The following GABRR3 variants were observed in gnomAD, a reference collection of about 807,000 sequenced individuals.
GABRR3 encodes gamma-aminobutyric acid type A receptor subunit rho3.
A neutral mutation model predicts 43.2 loss-of-function variants in GABRR3; 29 were observed. That is an observed-to-expected ratio of 0.67 (90% CI 0.50 to 0.92). The LOEUF is 0.92. Ranked by LOEUF, GABRR3 falls within the 40% of genes least tolerant of loss-of-function variation. The pLI, the probability that GABRR3 is intolerant of heterozygous loss-of-function variation, is 0.00. For synonymous variants in GABRR3, 206 were observed against 195.9 expected (o/e 1.05, Z -0.43); for missense variants, 576 against 572.3 (o/e 1.01, Z -0.07).
chr3:98,013,066 C>A (rs1387952810), intron 4 of GABRR3, among the ~76,000 whole-genome samples: 1 of 152,144 alleles, frequency 6.6e-6, no homozygotes, highest in Non-Finnish European at 1.5e-5. Context: ...TTTATTAGAG[C>A]TATTCGTGTA....
intron 2 of GABRR3, among the ~76,000 whole-genome samples, chr3:98,034,291 A>G (rs1048834940): frequency 7.9e-5 from 12 of 152,172 alleles, no homozygotes; most frequent in African/African-American, 2.9e-4. Context: ...TCTCACAGAT[A>G]GCTATCTCCC....
intron 4 of GABRR3, among the ~76,000 whole-genome samples, chr3:98,015,387 G>A (rs902552685): frequency 6.6e-6 from 1 of 152,104 alleles, no homozygotes; most frequent in African/African-American, 2.4e-5. Flanking sequence ...GTAGAAACAG[G>A]GTTTCCTCAT....
chr3:98,011,101 C>T (rs1706784589), intron 5 of GABRR3, among the ~76,000 whole-genome samples: 1 of 151,988 alleles, frequency 6.6e-6, no homozygotes. Flanking sequence ...CCCTGTTCCT[C>T]CCCCAACCCC....
At chr3:98,026,262 C>G (rs1361142385) in intron 2 of GABRR3, among the ~76,000 whole-genome samples, 1 of 152,146 alleles carries the variant, frequency 6.6e-6, no homozygotes, top group East Asian at 1.9e-4. Flanking sequence ...GGTTCTAGAG[C>G]CTGAGGGATG....
intron 2 of GABRR3, among the ~76,000 whole-genome samples, chr3:98,028,871 T>G (rs1466701014): frequency 6.6e-6 from 1 of 152,030 alleles, no homozygotes; most frequent in African/African-American, 2.4e-5. Context: ...GTAAATAAAA[T>G]GAAGGATGAA....
chr3:97,989,250 G>A (rs1390432238), intron 9 of GABRR3, among the ~76,000 whole-genome samples: 1 of 150,756 alleles, frequency 6.6e-6, no homozygotes, highest in Non-Finnish European at 1.5e-5. Context: ...AACAGTGGTT[G>A]ATGATGGTGT....
At chr3:97,986,905 C>A in exon 10 of GABRR3, 1 of 1,611,664 alleles carries the variant, frequency 6.2e-7, no homozygotes, top group Non-Finnish European at 8.5e-7. Context: ...AAGTCTGGTC[C>A]ATGTCAATCT....
chr3:97,991,268 A>G (rs1310591809), intron 9 of GABRR3, among the ~76,000 whole-genome samples: 2 of 152,214 alleles, frequency 1.3e-5, no homozygotes, highest in East Asian at 1.9e-4. Context: ...CACTTCACAG[A>G]CTATCCAAAT....
In GABRR3 at chr3:98,020,133, G is replaced by A. The variant is rs965926712; in HGVS notation, c.239-2411C>T. 8.7e-4 allele frequency among the ~76,000 whole-genome samples: 132 copies of A among 152,028 alleles called. 1 individual carries two copies. Among genetic ancestry groups the A allele is most frequent in the Non-Finnish European group, 2.1e-4 (14 of 68,004 alleles). On this transcript the variant is annotated intron_variant, in intron 3 of 9. Coordinates refer to ENST00000621172, the Ensembl canonical transcript of GABRR3. ...AAATTTGAAAAGGTCTTGGAGGAGC[G>A]GCAGAATGTCCCAAATGAAGTTCTA... is the stretch of plus-strand genomic sequence containing the variant.
intron 9 of GABRR3, among the ~76,000 whole-genome samples, chr3:97,990,116 C>T (rs561848524): frequency 6.6e-6 from 1 of 152,300 alleles, no homozygotes; most frequent in East Asian, 1.9e-4. Context: ...CTCCTATTCC[C>T]TCAGGGCAGG....
chr3:98,008,843 G>T, intron 6 of GABRR3, 113 bp downstream of exon 6: 2 of 414,222 alleles, frequency 4.8e-6, no homozygotes, highest in Non-Finnish European at 8.3e-6. Flanking sequence ...TTCAGTTTTG[G>T]ATAAATATAT....
At chr3:98,031,276 T>C (rs180958705) in intron 2 of GABRR3, among the ~76,000 whole-genome samples, 7 of 152,318 alleles carry the variant, frequency 4.6e-5, no homozygotes, top group Admixed American at 4.6e-4. Context: ...AGGCCTCAGT[T>C]TCCTCATCTG....
downstream of GABRR3, among the ~76,000 whole-genome samples, chr3:97,986,468 A>G (rs540014600): frequency 6.6e-6 from 1 of 152,240 alleles, no homozygotes; most frequent in Non-Finnish European, 1.5e-5. Context: ...TTTTTCCCAT[A>G]ATACACATGC....
chr3:97,985,530 A>G (rs1285872372), downstream of GABRR3, among the ~76,000 whole-genome samples: 1 of 152,206 alleles, frequency 6.6e-6, no homozygotes, highest in Non-Finnish European at 1.5e-5. Flanking sequence ...AACATTCGTC[A>G]CATGTTTTAT....
chr3:98,003,307 A>G (rs1339667604), intron 7 of GABRR3, among the ~76,000 whole-genome samples: 2 of 152,274 alleles, frequency 1.3e-5, no homozygotes, highest in East Asian at 3.9e-4. Flanking sequence ...AAAGAAATTC[A>G]AAAGAAAGAC....
chr3:98,020,748 C>T lies in GABRR3; in HGVS notation c.239-3026G>A, dbSNP rs77112019. Among the ~76,000 whole-genome samples the T allele has an allele frequency of 1.4e-4, 22 of 152,154 alleles. No individual in the cohort carries two copies. The East Asian group carries it at 2.9e-3, about 20-fold the overall frequency. ...AGGAATGGGTTTCTGGAAATACCTT[C>T]GATTTCTTCCTTTCGTCCTCCAGAT... On this transcript the variant is annotated intron_variant, in intron 3 of 9. Transcript: ENST00000621172.
chr3:98,027,309 A>G lies in GABRR3; in HGVS notation c.126-1630T>C, dbSNP rs553557140. Among the ~76,000 whole-genome samples, 25 of 152,318 alleles carry G rather than the reference A, an allele frequency of 1.6e-4. 1 individual carries two copies. Among genetic ancestry groups the G allele is most frequent in the African/African-American group, 5.8e-4 (24 of 41,574 alleles). ...GGGTATGACAATTTGCATGTATAAC[A>G]ATTTCTCAAGAGATCCACCGGCCTA... On this transcript the variant is annotated intron_variant, in intron 2 of 9. Transcript: ENST00000621172.
chr3:97,995,446 T>TA (rs1706523388), intron 8 of GABRR3, among the ~76,000 whole-genome samples: 1 of 152,186 alleles, frequency 6.6e-6, no homozygotes, highest in Non-Finnish European at 1.5e-5. Context: ...AATTGATAAC[T>TA]ACTGGGCAAA....
intron 4 of GABRR3, among the ~76,000 whole-genome samples, chr3:98,017,277 TTCAACTG>T (rs2107242848): frequency 1.3e-5 from 2 of 152,340 alleles, no homozygotes; most frequent in Non-Finnish European, 2.9e-5. Context: ...TCAATGCTGG[TTCAACTG>T]TTTATTATTT....
Sources: gnomAD v4.1 joint callset for allele counts (sites outside exome capture counted in the v4.1 genomes callset) on GRCh38, gnomAD v4.1.1 for gene constraint, MANE v1.5 for transcripts, NCBI Gene and HGNC (gene_info 2026-07-23, HGNC 2026-07-21) for gene names.